Variants in ZNF670 observed in about 807,000 individuals in gnomAD.
ZNF670 encodes zinc finger protein 670.
Under a neutral mutation model 10.9 loss-of-function variants are expected in ZNF670, and 7 were observed. The ratio of observed to expected loss-of-function variants is 0.64; its 90% CI spans 0.36 to 1.20. The LOEUF (loss-of-function observed/expected upper bound fraction) is 1.20, where lower values mean the gene tolerates loss of function less well. Ranked by LOEUF, ZNF670 falls within the 50% of genes most tolerant of loss-of-function variation. The probability of loss-of-function intolerance (pLI) is 0.02; values close to 1 mark genes in which losing one functional copy is unlikely to be tolerated. For synonymous variants in ZNF670, 136 were observed against 152.7 expected, an observed-to-expected ratio of 0.89 and a Z score of 0.81; for missense variants, 446 against 458.6, an observed-to-expected ratio of 0.97 and a Z score of 0.25.
chr1:247,060,400 C>G (rs994202757), intron 1 of ZNF670, among the ~76,000 whole-genome samples: 3 of 152,172 alleles, frequency 2.0e-5, no homozygotes, highest in Non-Finnish European at 4.4e-5. Context: ...ATGTTGAACA[C>G]CTGGACATCC....
intron 1 of ZNF670, among the ~76,000 whole-genome samples, chr1:247,075,437 T>C (rs949093193): frequency 6.6e-6 from 1 of 152,330 alleles, no homozygotes; most frequent in East Asian, 1.9e-4. Context: ...TATTTTTCCC[T>C]GGTAACATTT....
intron 1 of ZNF670, chr1:247,043,978 A>T (rs140364665): frequency 5.2e-4 from 103 of 196,824 alleles, no homozygotes; most frequent in Middle Eastern, 2.1e-3. Context: ...CTGGGTAAAC[A>T]CCGAAAAAGA....
At position 247,039,435 on chromosome 1, in the gene ZNF670, T is replaced by G; in HGVS notation, c.106A>C (p.Ile36Leu). Residue 36 changes from isoleucine (I) to leucine (L), a missense_variant, in exon 2 of 4, where the codon ATC (isoleucine) becomes CTC (leucine). Coordinates refer to ENST00000366503, the MANE Select transcript of ZNF670 (RefSeq NM_033213.5). ...KNLYRDVMQE[I>L]FRNLASVGNK... ...CCTACAGAAGCCAGGTTCCTGAAGATTTCTTGCATCACATCTCTGTAGAGA... is the reference window on the plus strand; with the variant it reads ...CCTACAGAAGCCAGGTTCCTGAAGAGTTCTTGCATCACATCTCTGTAGAGA... 6.2e-7 allele frequency: 1 copy of G among 1,604,224 alleles called. No homozygotes were observed.
intron 1 of ZNF670, chr1:247,043,570 G>T (rs1346182848): frequency 3.1e-6 from 2 of 651,794 alleles, no homozygotes; most frequent in Non-Finnish European, 5.6e-6. Flanking sequence ...GCTTCCAAAA[G>T]TCTCACAATT....
intron 1 of ZNF670, among the ~76,000 whole-genome samples, chr1:247,077,965 A>C (rs1383775867): frequency 1.3e-5 from 2 of 152,222 alleles, no homozygotes; most frequent in East Asian, 3.8e-4. Flanking sequence ...AATAACTTAA[A>C]GGGAAACAAA....
rs1292188285 is a variant in ZNF670 at position 247,038,173 on chromosome 1, G to C, written c.446C>G (p.Ala149Gly). 3 of 1,614,148 alleles carry C rather than the reference G, an allele frequency of 1.9e-6. No individual in the cohort carries two copies. Among genetic ancestry groups the C allele is most frequent in the African/African-American group, 1.3e-5 (1 of 75,050 alleles). ...KLYHCKQCGK[A>G]FISLTSVDRH... ...GTCAACACTGGTGAGAGAGATAAAG[G>C]CTTTCCCACATTGTTTGCAATGATA... The change falls in exon 4 of 4, where the codon GCC becomes GGC. Residue 149 changes from alanine to glycine, a missense_variant. Transcript: ENST00000366503.
In ZNF670 at chr1:247,037,315, A is replaced by G. The variant is rs1445859833; in HGVS notation, c.*134T>C. 9.1e-7 allele frequency: 1 copy of G among 1,097,368 alleles called. No individual in the cohort carries two copies. The highest frequency in any genetic ancestry group is 1.2e-6 in the Non-Finnish European group (1 of 807,002). 68.0% of individuals were successfully genotyped at this position (1,097,368 alleles called of 1,614,324 possible). A position where few individuals can be genotyped will look rare whatever the true frequency, so the allele number is the denominator to read the frequency against. ...GAACTAGGAAAATTGCATACATTCTAATCTTCCTTACATGTGTTGGGTTTC... is the reference window on the plus strand; with the variant it reads ...GAACTAGGAAAATTGCATACATTCTGATCTTCCTTACATGTGTTGGGTTTC... On this transcript the variant is annotated 3_prime_UTR_variant, in exon 4 of 4. Transcript: ENST00000366503.
chr1:247,062,097 C>A (rs1270715808), intron 1 of ZNF670, among the ~76,000 whole-genome samples: 1 of 152,152 alleles, frequency 6.6e-6, no homozygotes, highest in Non-Finnish European at 1.5e-5. Context: ...ATAACAGAAA[C>A]AGAACAGGCT....
At chr1:247,072,879 C>T (rs4925611) in intron 1 of ZNF670, among the ~76,000 whole-genome samples, 29,517 of 130,954 alleles carry the variant, frequency 0.23, 4,271 homozygotes, top group Middle Eastern at 0.38. Context: ...AACATCTTTT[C>T]GGCACAGTAT....
intron 1 of ZNF670, among the ~76,000 whole-genome samples, chr1:247,061,183 A>AAT (rs1553322065): frequency 2.1e-5 from 3 of 144,142 alleles, no homozygotes; most frequent in African/African-American, 7.7e-5. Flanking sequence ...TTAAAAGTAA[A>AAT]TTTTTTTTTT....
chr1:247,071,555 C>A (rs763175266), intron 1 of ZNF670, among the ~76,000 whole-genome samples: 1 of 152,216 alleles, frequency 6.6e-6, no homozygotes, highest in African/African-American at 2.4e-5. Flanking sequence ...CATTTGCACA[C>A]CCAGTCCCAC....
intron 1 of ZNF670, among the ~76,000 whole-genome samples, chr1:247,042,514 T>C (rs759261875): frequency 1.3e-5 from 2 of 152,212 alleles, no homozygotes; most frequent in Non-Finnish European, 2.9e-5. Flanking sequence ...AGGCCTGTGT[T>C]TTCTGTTGAG....
intron 1 of ZNF670, among the ~76,000 whole-genome samples, chr1:247,070,280 G>A (rs1191665221): frequency 6.6e-6 from 1 of 152,096 alleles, no homozygotes; most frequent in African/African-American, 2.4e-5. Flanking sequence ...GACCATCCTG[G>A]CTAACATGGT....
chr1:247,037,410 C>T lies in ZNF670; in HGVS notation c.*39G>A. 6.5e-7 allele frequency: 1 copy of T among 1,544,872 alleles called. No homozygotes were observed. ...TAGAATAACTGAAAGCTTTAACACA[C>T]TTCTTACATTGACAGAGGTGTTTTG... On this transcript the variant is annotated 3_prime_UTR_variant, in exon 4 of 4. Transcript: ENST00000366503.
At chr1:247,063,889 A>G (rs1670923456) in intron 1 of ZNF670, among the ~76,000 whole-genome samples, 1 of 152,194 alleles carries the variant, frequency 6.6e-6, no homozygotes, top group Non-Finnish European at 1.5e-5. Context: ...CTTGGGCCAG[A>G]GCAAATTTGC....
intron 1 of ZNF670, among the ~76,000 whole-genome samples, chr1:247,052,390 G>A (rs1670617492): frequency 6.6e-6 from 1 of 152,102 alleles, no homozygotes; most frequent in Non-Finnish European, 1.5e-5. Context: ...TGGAGGTGCT[G>A]GACTCTGGGC....
intron 1 of ZNF670, 68 bp downstream of exon 1, chr1:247,078,526 G>T: frequency 6.2e-7 from 1 of 1,604,358 alleles, no homozygotes; most frequent in Admixed American, 1.7e-5. Context: ...GGGAGGTCCG[G>T]GTTCGCCACA....
rs1397604032 is a variant in ZNF670 at position 247,037,055 on chromosome 1, G to A, written c.*394C>T. ...AGACAAAAATTATGTTAACTGATGA[G>A]AAACAAAACACAGCCTATTAAGCTC... is the stretch of plus-strand genomic sequence containing the variant. On this transcript the variant is annotated 3_prime_UTR_variant, in exon 4 of 4. Coordinates refer to ENST00000366503, the MANE Select transcript of ZNF670 (RefSeq NM_033213.5). 6.2e-6 allele frequency: 1 copy of A among 160,678 alleles called. No individual in the cohort carries two copies. The highest frequency in any genetic ancestry group is 1.3e-5 in the Non-Finnish European group (1 of 74,206). 10.0% of individuals were successfully genotyped at this position (160,678 alleles called of 1,614,324 possible). A position where few individuals can be genotyped will look rare whatever the true frequency, so the allele number is the denominator to read the frequency against.
intron 1 of ZNF670, among the ~76,000 whole-genome samples, chr1:247,077,362 T>C (rs1671277978): frequency 6.6e-6 from 1 of 152,176 alleles, no homozygotes; most frequent in African/African-American, 2.4e-5. Context: ...ATCTGGCTGC[T>C]AAACAGAGGA....
Sources: allele counts gnomAD v4.1 joint callset (sites outside exome capture counted in the v4.1 genomes callset), GRCh38; gene constraint gnomAD v4.1.1; transcripts MANE v1.5; gene names NCBI Gene and HGNC (gene_info 2026-07-23, HGNC 2026-07-21).